SAMSN1: variants seen among roughly 807,000 people sequenced by gnomAD.
The protein encoded by SAMSN1 is SAM domain, SH3 domain and nuclear localization signals 1.
In SAMSN1, 31 loss-of-function variants were observed where a neutral mutation model predicts 42.0. The ratio of observed to expected loss-of-function variants is 0.74; its 90% CI spans 0.55 to 1.00. SAMSN1 has a LOEUF of 1.00. Ranked by LOEUF, SAMSN1 falls within the 50% of genes least tolerant of loss-of-function variation. The pLI, the probability that SAMSN1 is intolerant of heterozygous loss-of-function variation, is 0.00. For missense variants in SAMSN1, 464 were observed against 439.4 expected (o/e 1.06, Z -0.50); for synonymous variants, 178 against 151.9 (o/e 1.17, Z -1.26).
intron 2 of SAMSN1, among the ~76,000 whole-genome samples, chr21:14,563,402 A>G (rs758273595): frequency 3.9e-5 from 6 of 152,216 alleles, no homozygotes; most frequent in African/African-American, 7.2e-5. Context: ...ACACAATGAT[A>G]TTATTAAATT....
chr21:14,520,011 G>A (rs150329873), intron 2 of SAMSN1, among the ~76,000 whole-genome samples: 102 of 152,258 alleles, frequency 6.7e-4, no homozygotes, highest in African/African-American at 2.4e-3. Context: ...GATGAAGCAA[G>A]CATATTTCTG....
intron 2 of SAMSN1, among the ~76,000 whole-genome samples, chr21:14,632,761 T>C (rs1983363585): frequency 1.3e-5 from 2 of 152,232 alleles, no homozygotes; most frequent in Admixed American, 6.5e-5. Context: ...AGGTTTCATC[T>C]GAAGGTTCAG....
At chr21:14,553,504 A>T (rs1433586028) in intron 2 of SAMSN1, among the ~76,000 whole-genome samples, 1 of 152,162 alleles carries the variant, frequency 6.6e-6, no homozygotes, top group East Asian at 1.9e-4. Flanking sequence ...TTCTCCGTTG[A>T]GGATAGAATG....
At chr21:14,588,522 T>C (rs1600947921) in intron 7 of SAMSN1, among the ~76,000 whole-genome samples, 1 of 151,784 alleles carries the variant, frequency 6.6e-6, no homozygotes, top group Admixed American at 6.6e-5. Context: ...TTTTCATGTG[T>C]TTTTTGGCTG....
upstream of SAMSN1, among the ~76,000 whole-genome samples, chr21:14,586,464 C>T (rs1049971787): frequency 6.6e-6 from 1 of 151,988 alleles, no homozygotes; most frequent in South Asian, 2.1e-4. Flanking sequence ...TAGCATTCAA[C>T]AAATCAATAA....
At chr21:14,492,877 G>A (rs550223396) in intron 7 of SAMSN1, among the ~76,000 whole-genome samples, 1 of 152,184 alleles carries the variant, frequency 6.6e-6, no homozygotes, top group Non-Finnish European at 1.5e-5. Context: ...TACTTTGTGT[G>A]GACAGGTAGC....
At chr21:14,627,516 G>A (rs1176364690) in intron 2 of SAMSN1, among the ~76,000 whole-genome samples, 2 of 152,172 alleles carry the variant, frequency 1.3e-5, no homozygotes, top group East Asian at 3.9e-4. Context: ...AGTGTGACTT[G>A]ATCTGACTCC....
intron 1 of SAMSN1, among the ~76,000 whole-genome samples, chr21:14,653,124 T>A (rs879348528): frequency 6.6e-6 from 1 of 151,970 alleles, no homozygotes; most frequent in Non-Finnish European, 1.5e-5. Flanking sequence ...GGAGAACAGT[T>A]TGGAGGTTCC....
In SAMSN1 at chr21:14,609,985, G is replaced by A. The variant is rs913303016; in HGVS notation, c.236-417C>T. Among the ~76,000 whole-genome samples, 44 of 151,988 alleles carry A rather than the reference G, an allele frequency of 2.9e-4. 1 individual carries two copies. The highest frequency in any genetic ancestry group is 8.3e-4 in the South Asian group (4 of 4,810). Reference sequence around the variant, plus strand: ...TCTTCATAAGGTGAGGATGTATGTCGCCTCAGAACCCTGTGATGATTGTGT... The same window carrying A: ...TCTTCATAAGGTGAGGATGTATGTCACCTCAGAACCCTGTGATGATTGTGT... On this transcript the variant is annotated intron_variant, in intron 4 of 15. Coordinates refer to the SAMSN1 transcript ENST00000647101.
intron 7 of SAMSN1, chr21:14,592,656 G>C (rs1280329724): frequency 5.2e-6 from 2 of 385,420 alleles, no homozygotes; most frequent in Non-Finnish European, 1.1e-5. Flanking sequence ...AAAATATCAA[G>C]GAAAAAGTGA....
chr21:14,616,036 G>GAATAA (rs1227560517), intron 2 of SAMSN1: 2 of 579,262 alleles, frequency 3.5e-6, no homozygotes, highest in Non-Finnish European at 6.3e-6. Context: ...AAAATAAAAT[G>GAATAA]AATAAAATAA....
rs1409017407 is a variant in SAMSN1, at chr21:14,562,157, C to A, written c.261+19979G>T. 4.6e-5 allele frequency among the ~76,000 whole-genome samples: 7 copies of A among 152,284 alleles called. No individual in the cohort carries two copies. In the South Asian group the frequency reaches 8.3e-4, roughly 18 times the overall value. ...ATGGGGTGGGGAACAATTGAAGAACCATTGTGAAGCAAGAGAGGGACACAG... is the reference window on the plus strand; with the variant it reads ...ATGGGGTGGGGAACAATTGAAGAACAATTGTGAAGCAAGAGAGGGACACAG... On this transcript the variant is annotated intron_variant, in intron 2 of 8. Coordinates refer to the SAMSN1 transcript ENST00000285670.
intron 2 of SAMSN1, among the ~76,000 whole-genome samples, chr21:14,630,699 T>C (rs1446012077): frequency 6.6e-6 from 1 of 152,112 alleles, no homozygotes; most frequent in East Asian, 1.9e-4. Flanking sequence ...TATTGGCTTG[T>C]TATGAGTCAT....
chr21:14,614,710 C>T (rs1187388129), intron 3 of SAMSN1, among the ~76,000 whole-genome samples: 1 of 152,120 alleles, frequency 6.6e-6, no homozygotes, highest in Non-Finnish European at 1.5e-5. Context: ...CTTAGGACAT[C>T]TCTTGGCATA....
intron 5 of SAMSN1, among the ~76,000 whole-genome samples, chr21:14,503,629 A>T (rs1218082358): frequency 6.6e-6 from 1 of 152,142 alleles, no homozygotes; most frequent in Non-Finnish European, 1.5e-5. Context: ...AGGGAATATC[A>T]CCAGGAGAAA....
chr21:14,550,949 A>G (rs1165619545), upstream of SAMSN1, among the ~76,000 whole-genome samples: 1 of 152,124 alleles, frequency 6.6e-6, no homozygotes, highest in Non-Finnish European at 1.5e-5. Context: ...TTTAAGCTCT[A>G]TGCATAAATG....
intron 5 of SAMSN1, among the ~76,000 whole-genome samples, chr21:14,502,430 A>G (rs1156277842): frequency 6.6e-6 from 1 of 152,174 alleles, no homozygotes; most frequent in African/African-American, 2.4e-5. Context: ...AAAGGTATAT[A>G]CCTGTGCATT....
chr21:14,551,042 T>A (rs575888096), upstream of SAMSN1, among the ~76,000 whole-genome samples: 1 of 152,100 alleles, frequency 6.6e-6, no homozygotes, highest in Non-Finnish European at 1.5e-5. Context: ...AATCTGAGAT[T>A]GCTATTTCTC....
intron 1 of SAMSN1, among the ~76,000 whole-genome samples, chr21:14,528,893 A>G (rs2123076617): frequency 6.6e-6 from 1 of 152,208 alleles, no homozygotes; most frequent in East Asian, 1.9e-4. Context: ...CATGCTATTT[A>G]TCCGTAATTA....
Sources: allele counts gnomAD v4.1 joint callset (sites outside exome capture counted in the v4.1 genomes callset), GRCh38; gene constraint gnomAD v4.1.1; transcripts MANE v1.5; gene names NCBI Gene and HGNC (gene_info 2026-07-23, HGNC 2026-07-21).